PHIP: variants seen among roughly 807,000 people sequenced by gnomAD.
PHIP encodes the protein PH-interacting protein.
PHIP carries 54 observed loss-of-function variants against 236.8 expected under a neutral mutation model. That is an observed-to-expected ratio of 0.23 (90% confidence interval 0.18 to 0.29). The LOEUF (loss-of-function observed/expected upper bound fraction) is 0.29, where lower values mean the gene tolerates loss of function less well. Among genes scored for constraint, PHIP ranks in the 10% least tolerant of loss-of-function variants. PHIP has a pLI of 1.00. For missense variants in PHIP, 1,370 were observed against 2,190.8 expected (o/e 0.63, Z 7.48); for synonymous variants, 756 against 718.9 (o/e 1.05, Z -0.83).
chr6:79,074,080 G>A (rs1398447048), intron 4 of PHIP, among the ~76,000 whole-genome samples: 4 of 152,070 alleles, frequency 2.6e-5, no homozygotes, highest in African/African-American at 9.6e-5. Flanking sequence ...AACTGTCAGC[G>A]GGGCTTAAAA....
At chr6:79,016,167 T>C (rs1186750828) in intron 13 of PHIP, among the ~76,000 whole-genome samples, 1 of 151,968 alleles carries the variant, frequency 6.6e-6, no homozygotes, top group Admixed American at 6.6e-5. Flanking sequence ...GAGAAAAATA[T>C]TAAAACCAAA....
chr6:79,016,227 T>C (rs1365359679), intron 13 of PHIP, among the ~76,000 whole-genome samples: 2 of 151,986 alleles, frequency 1.3e-5, no homozygotes, highest in East Asian at 1.9e-4. Context: ...AAGAAACCAT[T>C]GGACATAAAA....
At chr6:79,048,014 T>G (rs1772588528) in intron 6 of PHIP, among the ~76,000 whole-genome samples, 1 of 151,866 alleles carries the variant, frequency 6.6e-6, no homozygotes, top group Non-Finnish European at 1.5e-5. Context: ...TTTTTTTTTT[T>G]TCTGTGCTGG....
chr6:79,035,891 C>G (rs1771907501), intron 7 of PHIP, among the ~76,000 whole-genome samples: 1 of 152,010 alleles, frequency 6.6e-6, no homozygotes, highest in East Asian at 1.9e-4. Context: ...ACCTAAACCT[C>G]AGGGTCAAAC....
intron 24 of PHIP, among the ~76,000 whole-genome samples, chr6:78,974,220 T>C (rs1353605056): frequency 6.6e-6 from 1 of 152,034 alleles, no homozygotes; most frequent in East Asian, 1.9e-4. Context: ...GGATTAAGAA[T>C]CTCACTCAAA....
intron 10 of PHIP, among the ~76,000 whole-genome samples, chr6:79,018,191 C>T (rs1770928174): frequency 6.6e-6 from 1 of 151,778 alleles, no homozygotes; most frequent in African/African-American, 2.4e-5. Flanking sequence ...CCACTAACCC[C>T]TTAAAAAAAT....
chr6:78,982,353 A>C (rs1227196798), intron 23 of PHIP, among the ~76,000 whole-genome samples: 1 of 152,008 alleles, frequency 6.6e-6, no homozygotes, highest in Non-Finnish European at 1.5e-5. Context: ...ACTGCTACTG[A>C]CCAAAGGACT....
At chr6:79,068,614 C>T (rs954626545) in intron 4 of PHIP, among the ~76,000 whole-genome samples, 1 of 152,164 alleles carries the variant, frequency 6.6e-6, no homozygotes, top group Non-Finnish European at 1.5e-5. Flanking sequence ...CAGTCACCAC[C>T]TTGGAAAGTA....
At chr6:79,072,337 A>G (rs1469825117) in intron 4 of PHIP, among the ~76,000 whole-genome samples, 2 of 152,262 alleles carry the variant, frequency 1.3e-5, no homozygotes, top group African/African-American at 4.8e-5. Context: ...AACAAGTCAC[A>G]GTAGAAATCA....
intron 32 of PHIP, chr6:78,956,562 T>C (rs1766429942): frequency 6.6e-6 from 1 of 152,140 alleles, no homozygotes; most frequent in African/African-American, 2.4e-5. Flanking sequence ...TATTTTAGAT[T>C]CATATTCAAA....
At chr6:79,022,472 C>A (rs1228060748) in intron 9 of PHIP, among the ~76,000 whole-genome samples, 2 of 152,110 alleles carry the variant, frequency 1.3e-5, no homozygotes, top group Non-Finnish European at 2.9e-5. Context: ...AACAATGTAA[C>A]CTGCTGTGCC....
At chr6:78,942,101 A>T (rs962150285) in intron 39 of PHIP, among the ~76,000 whole-genome samples, 1 of 152,172 alleles carries the variant, frequency 6.6e-6, no homozygotes, top group East Asian at 1.9e-4. Context: ...TTTTTGAGGA[A>T]ATTCATAGAT....
Position 79,001,966 on chromosome 6 carries a change from T to C in PHIP, c.1812A>G (p.Arg604=), listed in dbSNP as rs761336409. Residue 604 remains arginine (R), a synonymous_variant, in exon 17 of 40, where the codon AGA becomes AGG. Transcript: ENST00000275034. ...DGNPHPSRYQ[R]LVPGRENCRE... ...TGCAATTTTCACGGCCAGGAACTAA[T>C]CTTTGATATCTTGATGGATGAGGGT... The C allele has an allele frequency of 6.2e-7, 1 of 1,613,258 alleles. No individual in the cohort carries two copies. Among genetic ancestry groups the C allele is most frequent in the African/African-American group, 1.3e-5 (1 of 74,966 alleles).
Position 78,954,296 on chromosome 6 carries a change from C to T in PHIP, c.4053+518G>A, listed in dbSNP as rs191183042. Among the ~76,000 whole-genome samples, 355 of 151,632 alleles carry T rather than the reference C, an allele frequency of 2.3e-3. 2 individuals carry two copies. The highest frequency in any genetic ancestry group is 7.6e-3 in the African/African-American group (313 of 41,344). ...TTTTTTTTTGTATTTTAAGTAGAGA[C>T]GGGATTTCACCGTGTTAGCCAGGAT... is the stretch of plus-strand genomic sequence containing the variant. On this transcript the variant is annotated intron_variant, in intron 35 of 39. Coordinates refer to ENST00000275034, the MANE Select transcript of PHIP (RefSeq NM_017934.7).
At chr6:79,008,758 T>C (rs983979064) in intron 15 of PHIP, among the ~76,000 whole-genome samples, 2 of 152,156 alleles carry the variant, frequency 1.3e-5, no homozygotes, top group African/African-American at 2.4e-5. Flanking sequence ...GTAGTCTATC[T>C]CCAAGTGCCA....
chr6:79,075,792 T>C (rs1171998204), intron 4 of PHIP, among the ~76,000 whole-genome samples: 1 of 152,164 alleles, frequency 6.6e-6, no homozygotes, highest in African/African-American at 2.4e-5. Flanking sequence ...TGTGGGTTTT[T>C]AAGAGATGCA....
chr6:78,972,918 G>C (rs1200664373), intron 24 of PHIP, among the ~76,000 whole-genome samples: 6 of 152,318 alleles, frequency 3.9e-5, no homozygotes, highest in Non-Finnish European at 8.8e-5. Flanking sequence ...GTACCTGAAA[G>C]TGATGGGGAG....
intron 6 of PHIP, among the ~76,000 whole-genome samples, chr6:79,053,648 G>A (rs777332887): frequency 6.6e-5 from 10 of 152,068 alleles, no homozygotes; most frequent in African/African-American, 1.7e-4. Context: ...CACTGAATAC[G>A]TAACTTTAAA....
intron 4 of PHIP, among the ~76,000 whole-genome samples, chr6:79,071,803 A>G (rs1424631136): frequency 6.6e-6 from 1 of 152,162 alleles, no homozygotes; most frequent in African/African-American, 2.4e-5. Context: ...TTTATTTGTT[A>G]CAATTCTGTA....
Sources: gnomAD v4.1 joint callset for allele counts (sites outside exome capture counted in the v4.1 genomes callset) on GRCh38, gnomAD v4.1.1 for gene constraint, MANE v1.5 for transcripts, NCBI Gene and HGNC (gene_info 2026-07-23, HGNC 2026-07-21) for gene names.